Variants in GCLC observed in about 807,000 individuals in gnomAD.
GCLC encodes glutamate--cysteine ligase catalytic subunit.
In GCLC, 30 loss-of-function variants were observed where a neutral mutation model predicts 81.5. The observed-to-expected ratio is 0.37, with a 90% confidence interval of 0.28 to 0.50. The LOEUF (loss-of-function observed/expected upper bound fraction) is 0.50. GCLC is among the 20% of genes least tolerant of loss of function. The pLI, the probability that GCLC is intolerant of heterozygous loss-of-function variation, is 0.96. For missense variants in GCLC, 556 were observed against 777.4 expected (o/e 0.72, Z 3.39); for synonymous variants, 262 against 273.3 (o/e 0.96, Z 0.41).
Position 53,498,071 on chromosome 6 carries a change from T to C in GCLC, c.*685A>G, listed in dbSNP as rs754126523. 3 of 152,622 alleles carry C rather than the reference T, an allele frequency of 2.0e-5. No individual in the cohort carries two copies. Among genetic ancestry groups the C allele is most frequent in the Non-Finnish European group, 4.4e-5 (3 of 68,032 alleles). 9.5% of individuals were successfully genotyped at this position (152,622 alleles called of 1,614,324 possible). On this transcript the variant is annotated 3_prime_UTR_variant, in exon 16 of 16. Transcript: ENST00000650454. Reference sequence around the variant, plus strand: ...TGGGTAATAATCTCCTTTCTTTCTATAGAGTTGTGTTTAAACTTAATTCCT... The same window carrying C: ...TGGGTAATAATCTCCTTTCTTTCTACAGAGTTGTGTTTAAACTTAATTCCT...
intron 1 of GCLC, among the ~76,000 whole-genome samples, chr6:53,532,627 T>C (rs949930168): frequency 1.3e-5 from 2 of 152,150 alleles, no homozygotes; most frequent in African/African-American, 4.8e-5. Context: ...TTAATCTGAA[T>C]GGGGCAGACT....
intron 6 of GCLC, among the ~76,000 whole-genome samples, chr6:53,511,209 G>GGC (rs1253489958): frequency 6.9e-6 from 1 of 145,732 alleles, no homozygotes; most frequent in Non-Finnish European, 1.5e-5. Context: ...AGTGGGGGGG[G>GGC]GGTGCTAAAG....
At position 53,522,433 on chromosome 6, in the gene GCLC, C is replaced by G; in HGVS notation, c.245G>C (p.Gly82Ala). ...EKVLETLQEK[G>A]ERTNPNHPTL... ...AGCTTACTTTGGGTTTGTCCTTTCCCCCTTCTCTTGCAGAGTTTCAAGAAC... is the reference window on the plus strand; with the variant it reads ...AGCTTACTTTGGGTTTGTCCTTTCCGCCTTCTCTTGCAGAGTTTCAAGAAC... The change falls in exon 2 of 16, where the codon GGG (glycine) becomes GCG (alanine). Residue 82 changes from glycine to alanine, a missense_variant. Gly to Ala is a moderately conservative substitution (Grantham distance 60, BLOSUM62 0). This residue lies in a region of GCLC where 234 missense variants were observed against 303.8 expected (regional missense o/e 0.77). Transcript: ENST00000650454. 6.2e-7 allele frequency: 1 copy of G among 1,605,008 alleles called. No individual in the cohort carries two copies. Among genetic ancestry groups the G allele is most frequent in the Non-Finnish European group, 8.5e-7 (1 of 1,171,600 alleles).
At chr6:53,518,972 C>T (rs1762936022) in intron 3 of GCLC, among the ~76,000 whole-genome samples, 1 of 152,188 alleles carries the variant, frequency 6.6e-6, no homozygotes, top group African/African-American at 2.4e-5. Context: ...AAACCACCCA[C>T]TTTTCCTATC....
In GCLC at chr6:53,500,550, T is replaced by G. The variant is rs941544227; in HGVS notation, c.1396-37A>C. On this transcript the variant is annotated intron_variant, in intron 12 of 15. Transcript: ENST00000650454. The stretch of plus-strand genomic sequence containing the variant: ...AAAGAATCACGACTAAGTCAAAATA[T>G]TCTTGATCAGACATACAAGTTGCAG... The G allele has an allele frequency of 2.1e-6, 3 of 1,428,616 alleles. No individual in the cohort carries two copies. The Admixed American group carries it at 5.0e-5, about 24-fold the overall frequency. The allele number at this position is 1,428,616 out of a possible 1,614,324, so 88.5% of individuals were successfully genotyped here. A position where few individuals can be genotyped will look rare whatever the true frequency, so the allele number is the denominator to read the frequency against.
rs1156413633 is a variant in GCLC, at chr6:53,506,866, C to G, written c.1197+47G>C. 5 of 1,000,890 alleles carry G rather than the reference C, an allele frequency of 5.0e-6. No homozygotes were observed. The South Asian group carries it at 6.6e-5, about 13-fold the overall frequency. 62.0% of individuals were successfully genotyped at this position (1,000,890 alleles called of 1,614,324 possible). ...CATATAAAACAGAGGATTCCAGACTCTCAGAAGTCAATACATAAATAAATA... is the reference window on the plus strand; with the variant it reads ...CATATAAAACAGAGGATTCCAGACTGTCAGAAGTCAATACATAAATAAATA... On this transcript the variant is annotated intron_variant, in intron 10 of 15. Coordinates refer to ENST00000650454, the MANE Select transcript of GCLC (RefSeq NM_001498.4). The surrounding 1 kb of genome is among the most constrained non-coding windows in gnomAD (Gnocchi z 4.0).
chr6:53,525,713 A>T (rs1230912950), intron 1 of GCLC, among the ~76,000 whole-genome samples: 2 of 152,224 alleles, frequency 1.3e-5, no homozygotes, highest in African/African-American at 4.8e-5. Flanking sequence ...AAAGAGCATT[A>T]TAAATGGGTT....
intron 15 of GCLC, 29 bp downstream of exon 15, chr6:53,500,016 T>G (rs1257079116): frequency 6.7e-7 from 1 of 1,499,394 alleles, no homozygotes; most frequent in South Asian, 1.1e-5. Context: ...CTGTCTATAT[T>G]ATGAGATTAA....
Position 53,520,956 on chromosome 6 carries a change from G to A in GCLC, c.268C>T (p.Pro90Ser). The A allele has an allele frequency of 6.2e-7, 1 of 1,611,112 alleles. No homozygotes were observed. Among genetic ancestry groups the A allele is most frequent in the African/African-American group, 1.3e-5 (1 of 74,980 alleles). ...CCATACTCTGGTCTCCAAAGGGTAG[G>A]ATGGCTACGGAGGAGAAATAACTTA... ...EKGERTNPNH[P>S]TLWRPEYGSY... Residue 90 changes from proline to serine, a missense_variant, in exon 3 of 16, where the codon CCT becomes TCT. Physicochemically the swap from Pro to Ser is moderately conservative, Grantham distance 74. Around this residue, in one of 3 missense-constraint regions of GCLC, gnomAD observed 234 missense variants for 303.8 expected, o/e 0.77. Transcript: ENST00000650454.
chr6:53,513,734 A>AC (rs1764802991), intron 6 of GCLC: 1 of 174,608 alleles, frequency 5.7e-6, no homozygotes, highest in African/African-American at 2.4e-5. Context: ...CAAGACAAAC[A>AC]CAAGCTGCTA....
intron 2 of GCLC, among the ~76,000 whole-genome samples, chr6:53,521,626 G>A (rs111240904): frequency 2.6e-5 from 4 of 152,166 alleles, no homozygotes; most frequent in African/African-American, 9.6e-5. Flanking sequence ...GAGCAGAGGA[G>A]TATATATTCC....
chr6:53,537,738 T>TA (rs1040736680), intron 1 of GCLC, among the ~76,000 whole-genome samples: 101 of 151,266 alleles, frequency 6.7e-4, no homozygotes, highest in African/African-American at 1.7e-3. Context: ...CAGTTAACTG[T>TA]AAAAAAAAAC....
intron 1 of GCLC, chr6:53,524,032 G>C (rs564149837): frequency 2.7e-4 from 41 of 152,332 alleles, no homozygotes; most frequent in Non-Finnish European, 8.8e-5. Context: ...ACCATCTATA[G>C]ATCTGTGACT....
chr6:53,505,199 C>T (rs1764589791), intron 12 of GCLC, 193 bp downstream of exon 12: 1 of 556,476 alleles, frequency 1.8e-6, no homozygotes, highest in Non-Finnish European at 3.2e-6. Context: ...AGCCATCAAT[C>T]ATCTTGAATG....
Position 53,545,087 on chromosome 6 carries a change from T to C in GCLC, c.-442A>G. On this transcript the variant is annotated 5_prime_UTR_variant, in exon 1 of 16. Transcript: ENST00000650454. ...GAGCATGCCCAGTCTTTGCGTCCGC[T>C]AGCTCGCCGCTCCTGGGCGCGATCC... The C allele has an allele frequency of 6.5e-6, 1 of 153,890 alleles. No individual in the cohort carries two copies. The highest frequency in any genetic ancestry group is 1.4e-5 in the Non-Finnish European group (1 of 69,208). The allele number at this position is 153,890 out of a possible 1,614,324, so 9.5% of individuals were successfully genotyped here.
At chr6:53,508,762 G>A in intron 7 of GCLC, 51 bp from the exon 8 acceptor site, 1 of 1,173,004 alleles carries the variant, frequency 8.5e-7, no homozygotes, top group Non-Finnish European at 1.3e-6. Context: ...TCACTTACAT[G>A]CTAAAAAAAG....
At position 53,544,661 on chromosome 6, in the gene GCLC, C is replaced by G; in HGVS notation, c.-16G>C. ...GCAGCCCCATGGCCGCCCCCTCCTCCTCCTCCTCCTCCTCCGGGCTGACGG... is the reference window on the plus strand; with the variant it reads ...GCAGCCCCATGGCCGCCCCCTCCTCGTCCTCCTCCTCCTCCGGGCTGACGG... On this transcript the variant is annotated 5_prime_UTR_variant, in exon 1 of 16. Coordinates refer to ENST00000650454, the MANE Select transcript of GCLC (RefSeq NM_001498.4). 6.3e-7 allele frequency: 1 copy of G among 1,576,626 alleles called. No homozygotes were observed. The highest frequency in any genetic ancestry group is 8.5e-7 in the Non-Finnish European group (1 of 1,170,518).
chr6:53,517,260 T>TG (rs1764897582), intron 3 of GCLC, among the ~76,000 whole-genome samples: 1 of 93,412 alleles, frequency 1.1e-5, no homozygotes, highest in South Asian at 3.6e-4. Flanking sequence ...TTTTTTTTTT[T>TG]TTTTTTTTTT....
At chr6:53,544,174 G>A (rs535505149) in intron 1 of GCLC, among the ~76,000 whole-genome samples, 1 of 152,364 alleles carries the variant, frequency 6.6e-6, no homozygotes, top group East Asian at 1.9e-4. Context: ...CCGGTCTGCA[G>A]ATACACTAGG....
Sources: gnomAD v4.1 joint callset for allele counts (sites outside exome capture counted in the v4.1 genomes callset) on GRCh38, gnomAD v4.1.1 for gene constraint, gnomAD v4.1.1 regional missense constraint, Gnocchi (gnomAD v3.1) non-coding constraint, MANE v1.5 for transcripts, NCBI Gene and HGNC (gene_info 2026-07-23, HGNC 2026-07-21) for gene names.